TMEM129: variants seen among roughly 807,000 people sequenced by gnomAD.
The protein encoded by TMEM129 is transmembrane protein 129, E3 ubiquitin ligase.
Under a neutral mutation model 34.1 loss-of-function variants are expected in TMEM129, and 35 were observed. The ratio of observed to expected loss-of-function variants is 1.03; its 90% CI spans 0.78 to 1.36. The LOEUF is 1.36. Ranked by LOEUF, TMEM129 falls within the 40% of genes most tolerant of loss-of-function variation. The pLI, the probability that TMEM129 is intolerant of heterozygous loss-of-function variation, is 0.00. For synonymous variants in TMEM129, 239 were observed against 217.3 expected, an observed-to-expected ratio of 1.10 and a Z score of -0.88; for missense variants, 504 against 512.6, an observed-to-expected ratio of 0.98 and a Z score of 0.16.
Position 1,721,240 on chromosome 4 carries a change from G to C in TMEM129, c.-403C>G, listed in dbSNP as rs951794255. 3 of 161,868 alleles carry C rather than the reference G, an allele frequency of 1.9e-5. No individual in the cohort carries two copies. The highest frequency in any genetic ancestry group is 7.1e-5 in the African/African-American group (3 of 42,024). The allele number at this position is 161,868 out of a possible 1,614,324, so 10.0% of individuals were successfully genotyped here. A position where few individuals can be genotyped will look rare whatever the true frequency, so the allele number is the denominator to read the frequency against. ...GAAACTTAGGCCTGAGCGAGGCCCT[G>C]GCCATGAAGCCCCGCCCAGTAGCGT... On this transcript the variant is annotated 5_prime_UTR_variant, in exon 1 of 4. Transcript: ENST00000382936.
At position 1,716,869 on chromosome 4, in the gene TMEM129, G is replaced by A. The variant is rs1716983799; in HGVS notation, c.*311C>T. 2.9e-6 allele frequency: 1 copy of A among 344,844 alleles called. No individual in the cohort carries two copies. Among genetic ancestry groups the A allele is most frequent in the Non-Finnish European group, 5.2e-6 (1 of 191,460 alleles). The allele number at this position is 344,844 out of a possible 1,614,324, so 21.4% of individuals were successfully genotyped here. On this transcript the variant is annotated 3_prime_UTR_variant, in exon 4 of 4. Coordinates refer to ENST00000382936, the MANE Select transcript of TMEM129 (RefSeq NM_001127266.2). ...CCTGGGGTAGACCCAGGGTCTCCAG[G>A]GAATGGCTCGGGGGCAGACGCTGTG...
At position 1,720,878 on chromosome 4, in the gene TMEM129, C is replaced by A. The variant is rs1472365972; in HGVS notation, c.-41G>T. On this transcript the variant is annotated 5_prime_UTR_variant, in exon 1 of 4. Coordinates refer to ENST00000382936, the MANE Select transcript of TMEM129 (RefSeq NM_001127266.2). The surrounding 1 kb of genome is among the most constrained non-coding windows in gnomAD (Gnocchi z 4.4). ...AAGCTGTCGAGCTAGGCCCCCGCCC[C>A]GGCGCGCGGACGAGGCCGCAGCGCC... is the stretch of plus-strand genomic sequence containing the variant. The A allele has an allele frequency of 6.5e-7, 1 of 1,531,378 alleles. No homozygotes were observed. The highest frequency in any genetic ancestry group is 8.8e-7 in the Non-Finnish European group (1 of 1,136,360). The allele number at this position is 1,531,378 out of a possible 1,614,324, so 94.9% of individuals were successfully genotyped here.
intron 1 of TMEM129, among the ~76,000 whole-genome samples, chr4:1,719,788 G>A (rs1717186698): frequency 6.6e-6 from 1 of 152,124 alleles, no homozygotes; most frequent in Non-Finnish European, 1.5e-5. Flanking sequence ...TCTCTCAAGT[G>A]GGCCCCCAGC....
Position 1,716,849 on chromosome 4 carries a change from G to A in TMEM129, c.*331C>T, listed in dbSNP as rs1341220235. 3.2e-6 allele frequency: 1 copy of A among 315,704 alleles called. No homozygotes were observed. The highest frequency in any genetic ancestry group is 5.8e-6 in the Non-Finnish European group (1 of 172,628). 19.6% of individuals were successfully genotyped at this position (315,704 alleles called of 1,614,324 possible). A position where few individuals can be genotyped will look rare whatever the true frequency, so the allele number is the denominator to read the frequency against. On this transcript the variant is annotated 3_prime_UTR_variant, in exon 4 of 4. Transcript: ENST00000382936. ...AATGGCCCAGATGACGACCACCTGG[G>A]GTAGACCCAGGGTCTCCAGGGAATG...
In TMEM129 at chr4:1,718,427, C is replaced by A; in HGVS notation, c.405G>T (p.Gln135His). 1 of 1,596,188 alleles carries A rather than the reference C, an allele frequency of 6.3e-7. No homozygotes were observed. The change falls in exon 2 of 4, where the codon CAG (glutamine) becomes CAT (histidine). Residue 135 changes from glutamine to histidine, a missense_variant. Physicochemically the swap from Gln to His is conservative, Grantham distance 24 (BLOSUM62 0). Transcript: ENST00000382936. ...AGGAGGCAACAGCCTGCCAGCCAGA[C>A]TGTGGGAGGGCGTAGAGGGCCAGGG... ...ARTLALYALP[Q>H]SGWQAVASSV... is the part of the protein sequence containing the mutation.
rs1422234017 is a variant in TMEM129 at position 1,718,611 on chromosome 4, A to G, written c.221T>C (p.Met74Thr). 2 of 1,455,642 alleles carry G rather than the reference A, an allele frequency of 1.4e-6. No homozygotes were observed. The highest frequency in any genetic ancestry group is 1.8e-6 in the Non-Finnish European group (2 of 1,103,188). The allele number at this position is 1,455,642 out of a possible 1,614,324, so 90.2% of individuals were successfully genotyped here. ...SLLPLGYYVGMCLAASEKRLH... is the reference protein window; with the variant it reads ...SLLPLGYYVGTCLAASEKRLH... ...CCGCTTTTCTGAAGCCGCAAGGCAC[A>G]TGCCCACATAGTAGCCTGCAAAGGA... is the stretch of plus-strand genomic sequence containing the variant. The change falls in exon 2 of 4, where the codon ATG becomes ACG. Residue 74 changes from methionine (M) to threonine (T), a missense_variant. Transcript: ENST00000382936.
Position 1,720,618 on chromosome 4 carries a change from CCCGAGCAGCCTCA to C in TMEM129, c.205+2_205+14del, listed in dbSNP as rs1412468855. The C allele has an allele frequency of 1.3e-6, 2 of 1,533,394 alleles. No individual in the cohort carries two copies. The highest frequency in any genetic ancestry group is 2.0e-5 in the Admixed American group (1 of 50,700). The allele number at this position is 1,533,394 out of a possible 1,614,324, so 95.0% of individuals were successfully genotyped here. On this transcript the variant is annotated splice_donor_variant and splice_donor_5th_base_variant and intron_variant, in intron 1 of 3. Transcript: ENST00000382936. LOFTEE classifies it high-confidence loss of function. The surrounding 1 kb of genome is among the most constrained non-coding windows in gnomAD (Gnocchi z 4.4). ...CGCAGGAGAGGATGCGGCCGGCCGGCCCGAGCAGCCTCACCGAGCGGCAGCAGCGAGTGGCACA... is the reference window on the plus strand; with the variant it reads ...CGCAGGAGAGGATGCGGCCGGCCGGCCCGAGCGGCAGCAGCGAGTGGCACA...
In TMEM129 at chr4:1,718,182, G is replaced by A; in HGVS notation, c.650C>T (p.Thr217Ile). ...VQLLTIRVASTNPAVQAFDIW... is the reference protein window; with the variant it reads ...VQLLTIRVASINPAVQAFDIW... ...GTCAAAGGCCTGCACAGCAGGGTTG[G>A]TGCTGGCCACACGGATGGTGAGGAG... The change falls in exon 2 of 4, where the codon ACC becomes ATC. Residue 217 changes from threonine (T) to isoleucine (I), a missense_variant. Coordinates refer to ENST00000382936, the MANE Select transcript of TMEM129 (RefSeq NM_001127266.2). 1.3e-6 allele frequency: 2 copies of A among 1,581,072 alleles called. No individual in the cohort carries two copies. Among genetic ancestry groups the A allele is most frequent in the Non-Finnish European group, 1.7e-6 (2 of 1,163,916 alleles).
At position 1,717,381 on chromosome 4, in the gene TMEM129, C is replaced by T; in HGVS notation, c.888G>A (p.Lys296=). Residue 296 remains lysine (K), a synonymous_variant, in exon 4 of 4, where the codon AAG becomes AAA. Coordinates refer to ENST00000382936, the MANE Select transcript of TMEM129 (RefSeq NM_001127266.2). ...IGCMQTRASV[K]LVKTCQEAAT... ...CTGCCTCCTGGCAGGTCTTCACCAG[C>T]TTCACGCTGGCACGTGTCTGCATGC... 1.3e-6 allele frequency: 2 copies of T among 1,529,810 alleles called. No individual in the cohort carries two copies. The highest frequency in any genetic ancestry group is 1.8e-6 in the Non-Finnish European group (2 of 1,130,478). 94.8% of individuals were successfully genotyped at this position (1,529,810 alleles called of 1,614,324 possible).
At chr4:1,718,728 C>T in intron 1 of TMEM129, 102 bp from the exon 2 acceptor site, 3 of 1,422,056 alleles carry the variant, frequency 2.1e-6, no homozygotes, top group Non-Finnish European at 2.7e-6. Context: ...CCAGGGTCAG[C>T]TCCCAGGGTA....
chr4:1,716,022 T>C lies in TMEM129; in HGVS notation c.*1158A>G, dbSNP rs1216513704. ...ATCGGTTTGTCTTTATAAAACTAAG[T>C]AACTTATTTTGTAGTAAAAACAACC... On this transcript the variant is annotated 3_prime_UTR_variant, in exon 4 of 4. Coordinates refer to ENST00000382936, the MANE Select transcript of TMEM129 (RefSeq NM_001127266.2). The C allele has an allele frequency of 7.0e-6, 1 of 143,188 alleles. No individual in the cohort carries two copies. The highest frequency in any genetic ancestry group is 1.5e-5 in the Non-Finnish European group (1 of 67,934). 8.9% of individuals were successfully genotyped at this position (143,188 alleles called of 1,614,324 possible).
rs1455560638 is a variant in TMEM129, at chr4:1,721,316, C to G, written c.-479G>C. The G allele has an allele frequency of 6.9e-6, 1 of 145,674 alleles. No homozygotes were observed. Among genetic ancestry groups the G allele is most frequent in the African/African-American group, 2.5e-5 (1 of 39,274 alleles). The allele number at this position is 145,674 out of a possible 1,614,324, so 9.0% of individuals were successfully genotyped here. On this transcript the variant is annotated 5_prime_UTR_variant, in exon 1 of 4. Coordinates refer to ENST00000382936, the MANE Select transcript of TMEM129 (RefSeq NM_001127266.2). ...GGCGACTGCGAGCCCGGGGTCTCAG[C>G]TTCAGACACCCTGGCGTGCCCTCCA...
rs1339638243 is a variant in TMEM129 at position 1,716,361 on chromosome 4, G to A, written c.*819C>T. 6.6e-6 allele frequency: 1 copy of A among 152,384 alleles called. No individual in the cohort carries two copies. Among genetic ancestry groups the A allele is most frequent in the African/African-American group, 2.4e-5 (1 of 41,474 alleles). The allele number at this position is 152,384 out of a possible 1,614,324, so 9.4% of individuals were successfully genotyped here. On this transcript the variant is annotated 3_prime_UTR_variant, in exon 4 of 4. Coordinates refer to ENST00000382936, the MANE Select transcript of TMEM129 (RefSeq NM_001127266.2). The stretch of plus-strand genomic sequence containing the variant: ...CCCACCAGAGGCTTGACCACAGGGG[G>A]CGTGCATCCCCTTCTGAGCCTGGGA...
At chr4:1,718,924 A>C in intron 1 of TMEM129, 1 of 1,274,324 alleles carries the variant, frequency 7.8e-7, no homozygotes, top group Non-Finnish European at 1.0e-6. Context: ...CACCTCAGGC[A>C]GAGCTGACCC....
At chr4:1,717,865 G>A (rs1553822785) in intron 2 of TMEM129, 190 bp from the exon 3 acceptor site, 3 of 794,508 alleles carry the variant, frequency 3.8e-6, no homozygotes, top group Non-Finnish European at 5.8e-6. Context: ...GAGCAAGGCA[G>A]CTGTCCAGCC....
In TMEM129 at chr4:1,720,943, C is replaced by A; in HGVS notation, c.-106G>T. 1 of 971,392 alleles carries A rather than the reference C, an allele frequency of 1.0e-6. No homozygotes were observed. The highest frequency in any genetic ancestry group is 1.4e-6 in the Non-Finnish European group (1 of 732,544). The allele number at this position is 971,392 out of a possible 1,614,324, so 60.2% of individuals were successfully genotyped here. ...TCGGTTGCGGCGGCCGCCGCCCGGC[C>A]GCCCGCGGGGCACTCTAGGACATGG... On this transcript the variant is annotated 5_prime_UTR_variant, in exon 1 of 4. Coordinates refer to ENST00000382936, the MANE Select transcript of TMEM129 (RefSeq NM_001127266.2). The surrounding 1 kb of genome is among the most constrained non-coding windows in gnomAD (Gnocchi z 4.4).
chr4:1,720,701 G>T lies in TMEM129; in HGVS notation c.137C>A (p.Ala46Asp), dbSNP rs1164909301. ...GCGCAAGTGGAAGGGCACGAAGGCG[G>T]CGTCCTCGCTGCCCAGCCAGCCCGA... ...LLSGWLGSED[A>D]AFVPFHLRRT... Residue 46 changes from alanine to aspartate, a missense_variant, in exon 1 of 4, where the codon GCC (alanine) becomes GAC (aspartate). By Grantham distance (126) the Ala-to-Asp change is moderately radical. Coordinates refer to ENST00000382936, the MANE Select transcript of TMEM129 (RefSeq NM_001127266.2). The surrounding 1 kb of genome is among the most constrained non-coding windows in gnomAD (Gnocchi z 4.4). The T allele has an allele frequency of 3.2e-6, 5 of 1,555,304 alleles. No individual in the cohort carries two copies. Among genetic ancestry groups the T allele is most frequent in the Non-Finnish European group, 3.5e-6 (4 of 1,150,776 alleles).
In TMEM129 at chr4:1,721,043, TA is replaced by T. The variant is rs1717307379; in HGVS notation, c.-207del. The T allele has an allele frequency of 3.5e-6, 1 of 285,532 alleles. No individual in the cohort carries two copies. Among genetic ancestry groups the T allele is most frequent in the African/African-American group, 2.3e-5 (1 of 42,802 alleles). 17.7% of individuals were successfully genotyped at this position (285,532 alleles called of 1,614,324 possible). A position where few individuals can be genotyped will look rare whatever the true frequency, so the allele number is the denominator to read the frequency against. On this transcript the variant is annotated 5_prime_UTR_variant, in exon 1 of 4. An upstream open reading frame in the 5' UTR loses its in-frame stop. Transcript: ENST00000382936. ...CCGCCCGGCCGCCCGCGGGGCACTC[TA>T]GGACATGGAGTCCCGCCGCCCGGCC...
intron 1 of TMEM129, chr4:1,719,335 C>T (rs984347153): frequency 1.7e-5 from 7 of 424,030 alleles, no homozygotes; most frequent in African/African-American, 4.1e-5. Context: ...GGACGGATCA[C>T]GAGGTCAGAT....
Sources: gnomAD v4.1 joint callset for allele counts (sites outside exome capture counted in the v4.1 genomes callset) on GRCh38, gnomAD v4.1.1 for gene constraint, Gnocchi (gnomAD v3.1) non-coding constraint, MANE v1.5 for transcripts, NCBI Gene and HGNC (gene_info 2026-07-23, HGNC 2026-07-21) for gene names.